Variants in LRIG2 observed in about 807,000 individuals in gnomAD.
The protein encoded by LRIG2 is leucine rich repeats and immunoglobulin like domains 2.
A neutral mutation model predicts 107.8 loss-of-function variants in LRIG2; 93 were observed. That is an observed-to-expected ratio of 0.86 (90% confidence interval 0.73 to 1.03). The LOEUF (loss-of-function observed/expected upper bound fraction) is 1.03. Ranked by LOEUF, LRIG2 falls within the 50% of genes least tolerant of loss-of-function variation. The pLI, the probability that LRIG2 is intolerant of heterozygous loss-of-function variation, is 0.00. For missense variants in LRIG2, 1,226 were observed against 1,296.0 expected, an observed-to-expected ratio of 0.95 and a Z score of 0.83; for synonymous variants, 471 against 470.6, an observed-to-expected ratio of 1.00 and a Z score of -0.01.
intron 1 of LRIG2, among the ~76,000 whole-genome samples, chr1:113,079,679 AAAAAGAAAAAAAG>A (rs1184067017): frequency 6.7e-6 from 1 of 149,486 alleles, no homozygotes; most frequent in Non-Finnish European, 1.5e-5. Context: ...CTCAAAAAAA[AAAAAGAAAAAAAG>A]AAAAGAAAAA....
chr1:113,084,014 TAATA>T (rs1468881049), intron 1 of LRIG2, among the ~76,000 whole-genome samples: 6 of 135,660 alleles, frequency 4.4e-5, no homozygotes, highest in African/African-American at 1.5e-4. Flanking sequence ...ATAATAATAA[TAATA>T]ATAATAATAA....
At chr1:113,088,271 T>G (rs1653645563) in intron 1 of LRIG2, among the ~76,000 whole-genome samples, 1 of 152,188 alleles carries the variant, frequency 6.6e-6, no homozygotes. Context: ...CTGCAAAGCA[T>G]TTCAGGTATC....
chr1:113,116,276 C>G lies in LRIG2; in HGVS notation c.2531-11C>G. 1 of 1,602,908 alleles carries G rather than the reference C, an allele frequency of 6.2e-7. No homozygotes were observed. Among genetic ancestry groups the G allele is most frequent in the Non-Finnish European group, 8.5e-7 (1 of 1,173,526 alleles). On this transcript the variant is annotated splice_polypyrimidine_tract_variant and intron_variant, in intron 15 of 17. Coordinates refer to ENST00000361127, the MANE Select transcript of LRIG2 (RefSeq NM_014813.3). ...GCCTACCTTTGAGAGTTAAAAATGTCTCTTTTACAGAGGAGCTCAATCTGC... is the reference window on the plus strand; with the variant it reads ...GCCTACCTTTGAGAGTTAAAAATGTGTCTTTTACAGAGGAGCTCAATCTGC...
rs1655647131 is a variant in LRIG2 at position 113,130,061 on chromosome 1, T to A, written c.*5960T>A. 1 of 152,196 alleles carries A rather than the reference T, an allele frequency of 6.6e-6. No homozygotes were observed. The highest frequency in any genetic ancestry group is 6.5e-5 in the Admixed American group (1 of 15,284). The allele number at this position is 152,196 out of a possible 1,614,324, so 9.4% of individuals were successfully genotyped here. Reference sequence around the variant, plus strand: ...CCACCACACCCGGCTAATTTTTGTATTTTTTGTAGAGATGGAGTTTCACCT... The same window carrying A: ...CCACCACACCCGGCTAATTTTTGTAATTTTTGTAGAGATGGAGTTTCACCT... On this transcript the variant is annotated 3_prime_UTR_variant, in exon 18 of 18. Transcript: ENST00000361127.
At chr1:113,110,704 C>CA in intron 13 of LRIG2, 142 bp downstream of exon 13, 1 of 691,908 alleles carries the variant, frequency 1.4e-6, no homozygotes, top group Non-Finnish European at 2.4e-6. Flanking sequence ...GATAACTTAT[C>CA]AAGTGGGTGG....
intron 1 of LRIG2, among the ~76,000 whole-genome samples, chr1:113,077,619 T>C (rs1404117721): frequency 6.6e-6 from 1 of 152,238 alleles, no homozygotes; most frequent in African/African-American, 2.4e-5. Context: ...AGATTCGTTT[T>C]TTAGCATAGA....
intron 1 of LRIG2, among the ~76,000 whole-genome samples, chr1:113,087,653 A>G (rs1484944952): frequency 2.0e-5 from 3 of 152,154 alleles, no homozygotes; most frequent in African/African-American, 7.2e-5. Context: ...CTGGCCCCGA[A>G]GTCTTCATAT....
At chr1:113,105,148 A>AAAT (rs1553229436) in intron 11 of LRIG2, among the ~76,000 whole-genome samples, 4 of 152,072 alleles carry the variant, frequency 2.6e-5, no homozygotes, top group African/African-American at 9.7e-5. Flanking sequence ...TCTGTCTCAA[A>AAAT]AAATAAATAA....
chr1:113,105,329 A>G (rs1228462872), intron 11 of LRIG2, among the ~76,000 whole-genome samples: 3 of 152,196 alleles, frequency 2.0e-5, no homozygotes, highest in Non-Finnish European at 4.4e-5. Flanking sequence ...ATGTGTGGAT[A>G]GATTATACTA....
At chr1:113,094,989 TTTTGAGA>T in intron 6 of LRIG2, among the ~76,000 whole-genome samples, 1 of 134,396 alleles carries the variant, frequency 7.4e-6, no homozygotes, top group African/African-American at 2.6e-5. Flanking sequence ...TATATATTTT[TTTTGAGA>T]TGGAGTCTCA....
At position 113,093,556 on chromosome 1, in the gene LRIG2, T is replaced by G. The variant is rs761317570; in HGVS notation, c.507T>G (p.Leu169=). The change falls in exon 4 of 18, where the codon CTT becomes CTG. Residue 169 remains leucine, a synonymous_variant. Coordinates refer to ENST00000361127, the MANE Select transcript of LRIG2 (RefSeq NM_014813.3). ...IKTSSFPRMQ[L]KYLNLSNNRI... is the part of the protein sequence containing the mutation. ...CATCTTCATTTCCTCGCATGCAGCT[T>G]AAATACCTGTAAGTAACACAGATTA... 1.3e-6 allele frequency: 2 copies of G among 1,589,424 alleles called. No homozygotes were observed. Among genetic ancestry groups the G allele is most frequent in the Non-Finnish European group, 1.7e-6 (2 of 1,167,550 alleles).
chr1:113,104,275 T>C (rs1654438551), intron 11 of LRIG2, among the ~76,000 whole-genome samples: 1 of 152,160 alleles, frequency 6.6e-6, no homozygotes, highest in Non-Finnish European at 1.5e-5. Flanking sequence ...GTCCACCCAC[T>C]GCTAGACTTT....
intron 8 of LRIG2, 37 bp downstream of exon 8, chr1:113,096,402 T>G: frequency 1.3e-6 from 2 of 1,589,192 alleles, no homozygotes; most frequent in Admixed American, 3.7e-5. Context: ...TTGTTGTTAC[T>G]GATTTTTTTA....
intron 13 of LRIG2, among the ~76,000 whole-genome samples, chr1:113,110,843 A>G (rs1341017942): frequency 2.6e-5 from 4 of 152,156 alleles, no homozygotes; most frequent in African/African-American, 9.7e-5. Context: ...TTCTTATGAA[A>G]TTCTCAGTTT....
At chr1:113,101,932 A>T (rs917650010) in intron 11 of LRIG2, among the ~76,000 whole-genome samples, 5 of 152,238 alleles carry the variant, frequency 3.3e-5, no homozygotes, top group Non-Finnish European at 7.3e-5. Context: ...CCTAGTGAGG[A>T]AGATAAATAA....
intron 17 of LRIG2, among the ~76,000 whole-genome samples, chr1:113,121,279 A>G (rs1655242749): frequency 6.6e-6 from 1 of 152,238 alleles, no homozygotes; most frequent in South Asian, 2.1e-4. Context: ...AGGAAAAGAA[A>G]TATACATTAT....
chr1:113,116,447 T>G lies in LRIG2; in HGVS notation c.2680+11T>G, dbSNP rs777629087. ...ACAAAGGCACTGACGGTAATGACTC[T>G]GTTGTTTATGGTTACAATTTCAGCC... On this transcript the variant is annotated intron_variant, in intron 16 of 17. Transcript: ENST00000361127. The G allele has an allele frequency of 2.5e-6, 4 of 1,585,842 alleles. No individual in the cohort carries two copies. Among genetic ancestry groups the G allele is most frequent in the Admixed American group, 3.5e-5 (2 of 57,516 alleles).
Position 113,098,755 on chromosome 1 carries a change from C to A in LRIG2, c.1142C>A (p.Ala381Asp). ...ISWAIEDASE[A>D]FAGLTSLTKL... ...TGGGCCATAGAAGATGCTAGTGAAG[C>A]CTTTGCTGGACTCACAAGTCTCACT... The change falls in exon 9 of 18, where the codon GCC (alanine) becomes GAC (aspartate). Residue 381 changes from alanine to aspartate, a missense_variant. This residue lies in a region of LRIG2 where 570 missense variants were observed against 550.2 expected (regional missense o/e 1.04). Coordinates refer to ENST00000361127, the MANE Select transcript of LRIG2 (RefSeq NM_014813.3). 1 of 1,612,172 alleles carries A rather than the reference C, an allele frequency of 6.2e-7. No individual in the cohort carries two copies. The highest frequency in any genetic ancestry group is 2.2e-5 in the East Asian group (1 of 44,854).
intron 8 of LRIG2, 29 bp downstream of exon 8, chr1:113,096,394 G>A (rs1383462478): frequency 2.5e-6 from 4 of 1,592,832 alleles, no homozygotes; most frequent in Non-Finnish European, 2.6e-6. Flanking sequence ...CTTTTTGGTT[G>A]TTGTTACTGA....
Sources: gnomAD v4.1 joint callset for allele counts (sites outside exome capture counted in the v4.1 genomes callset) on GRCh38, gnomAD v4.1.1 for gene constraint, gnomAD v4.1.1 regional missense constraint, MANE v1.5 for transcripts, NCBI Gene and HGNC (gene_info 2026-07-23, HGNC 2026-07-21) for gene names.